Variants in PXDNL observed in about 807,000 individuals in gnomAD.
PXDNL encodes the protein peroxidasin like.
PXDNL carries 145 observed loss-of-function variants against 150.8 expected under a neutral mutation model. The ratio of observed to expected loss-of-function variants is 0.96; its 90% CI spans 0.84 to 1.10. The LOEUF (loss-of-function observed/expected upper bound fraction) is 1.10. PXDNL is among the 50% of genes least tolerant of loss of function. The pLI is 0.00. For missense variants in PXDNL, 2,087 were observed against 1,873.9 expected (o/e 1.11, Z -2.10); for synonymous variants, 757 against 725.7 (o/e 1.04, Z -0.69).
rs71550273 is a variant in PXDNL at position 51,601,797 on chromosome 8, G to GTT, written c.237-9101_237-9100dup. Reference sequence around the variant, plus strand: ...TGCTTTGTAGTAGTTTCTATTGTGGGTTTTTTTTTTAATGTAGGGTCTGTA... The same window carrying GTT: ...TGCTTTGTAGTAGTTTCTATTGTGGGTTTTTTTTTTTTAATGTAGGGTCTGTA... On this transcript the variant is annotated intron_variant, in intron 2 of 22. Transcript: ENST00000356297. Among the ~76,000 whole-genome samples, 1,272 of 146,668 alleles carry GTT rather than the reference G, an allele frequency of 8.7e-3. 11 individuals carry two copies. The highest frequency in any genetic ancestry group is 0.03 in the African/African-American group (1,204 of 40,220).
chr8:51,733,927 T>C (rs965047963), intron 1 of PXDNL, among the ~76,000 whole-genome samples: 2 of 150,512 alleles, frequency 1.3e-5, no homozygotes, highest in Non-Finnish European at 3.0e-5. Context: ...GAAGGTTTGC[T>C]TGAATTTTGA....
At chr8:51,431,595 C>T (rs1809249030) in intron 12 of PXDNL, among the ~76,000 whole-genome samples, 1 of 152,180 alleles carries the variant, frequency 6.6e-6, no homozygotes, top group South Asian at 2.1e-4. Flanking sequence ...CTTGTCTCCT[C>T]AGGGTTTTTG....
intron 18 of PXDNL, among the ~76,000 whole-genome samples, chr8:51,373,564 T>C (rs1807195305): frequency 6.6e-6 from 1 of 152,212 alleles, no homozygotes; most frequent in African/African-American, 2.4e-5. Flanking sequence ...TTTAAAAAAT[T>C]AATGAAATAT....
chr8:51,656,729 AACT>A (rs1280965142), intron 1 of PXDNL, among the ~76,000 whole-genome samples: 4 of 152,232 alleles, frequency 2.6e-5, no homozygotes, highest in Admixed American at 2.0e-4. Context: ...ATCCAGAATT[AACT>A]ACTATTAATA....
intron 15 of PXDNL, among the ~76,000 whole-genome samples, chr8:51,412,182 A>C (rs1279716238): frequency 6.6e-6 from 1 of 152,256 alleles, no homozygotes; most frequent in Non-Finnish European, 1.5e-5. Flanking sequence ...CAACTGAGGC[A>C]CATCTCATCC....
At chr8:51,550,871 A>G (rs545616472) in intron 4 of PXDNL, among the ~76,000 whole-genome samples, 1 of 152,202 alleles carries the variant, frequency 6.6e-6, no homozygotes, top group South Asian at 2.1e-4. Context: ...AAGAGGAGTC[A>G]AACTGTCGTT....
chr8:51,485,695 C>A (rs116843939), intron 5 of PXDNL, among the ~76,000 whole-genome samples: 1 of 152,190 alleles, frequency 6.6e-6, no homozygotes, highest in South Asian at 2.1e-4. Flanking sequence ...TTGCTCATGG[C>A]GTATTTGGAG....
chr8:51,399,817 T>G (rs1443709973), intron 17 of PXDNL, among the ~76,000 whole-genome samples: 1 of 152,232 alleles, frequency 6.6e-6, no homozygotes, highest in Non-Finnish European at 1.5e-5. Context: ...TGCATTCAGA[T>G]GTATACTCTG....
At chr8:51,421,813 T>C (rs114950145) in intron 14 of PXDNL, among the ~76,000 whole-genome samples, 34 of 152,374 alleles carry the variant, frequency 2.2e-4, no homozygotes, top group African/African-American at 8.2e-4. Flanking sequence ...AAGACATTTT[T>C]ACAATATGGA....
chr8:51,639,717 T>C (rs1346270426), intron 2 of PXDNL, among the ~76,000 whole-genome samples: 1 of 152,046 alleles, frequency 6.6e-6, no homozygotes, highest in Non-Finnish European at 1.5e-5. Context: ...ATCAATAGCT[T>C]ACCAACCAAA....
rs373409453 is a variant in PXDNL at position 51,408,166 on chromosome 8, T to C, written c.3458A>G (p.Tyr1153Cys). 3 of 1,613,916 alleles carry C rather than the reference T, an allele frequency of 1.9e-6. No homozygotes were observed. The highest frequency in any genetic ancestry group is 2.7e-5 in the African/African-American group (2 of 74,942). Residue 1153 changes from tyrosine to cysteine, a missense_variant, in exon 17 of 23, where the codon TAT becomes TGT. Tyr to Cys is a radical substitution (Grantham distance 194). Coordinates refer to ENST00000356297, the MANE Select transcript of PXDNL (RefSeq NM_144651.5). ...ATTACAGAAAACTCTGAAGTCAACA[T>C]ATGGTGGGATCCCGTGGTCTCTACC... ...QRGRDHGIPP[Y>C]VDFRVFCNLT...
intron 2 of PXDNL, among the ~76,000 whole-genome samples, chr8:51,620,680 A>G (rs1814232897): frequency 6.7e-6 from 1 of 150,162 alleles, no homozygotes; most frequent in Non-Finnish European, 1.5e-5. Context: ...AGTAGCTGGG[A>G]CTACAGGTGC....
At chr8:51,752,438 G>A (rs2037054468) in intron 1 of PXDNL, among the ~76,000 whole-genome samples, 1 of 152,084 alleles carries the variant, frequency 6.6e-6, no homozygotes, top group African/African-American at 2.4e-5. Context: ...TTACATTCCA[G>A]CCTTTGTATA....
intron 3 of PXDNL, among the ~76,000 whole-genome samples, chr8:51,565,313 AATAAATAAATAGATAGATAG>A (rs1411884886): frequency 0.013 from 1,620 of 123,488 alleles, 28 homozygotes; most frequent in African/African-American, 0.06. Flanking sequence ...TAAATAAATA[AATAAATAAATAGATAGATAG>A]ATAGATAGAT....
chr8:51,718,607 C>T (rs1382744141), intron 1 of PXDNL, among the ~76,000 whole-genome samples: 3 of 152,172 alleles, frequency 2.0e-5, no homozygotes, highest in African/African-American at 7.2e-5. Flanking sequence ...TTACTAGTCA[C>T]ATTTGCTTCA....
At chr8:51,628,337 ATTTCTTTC>A (rs58261998) in intron 2 of PXDNL, among the ~76,000 whole-genome samples, 8 of 111,406 alleles carry the variant, frequency 7.2e-5, no homozygotes, top group African/African-American at 1.4e-4. Flanking sequence ...CTTCTTCTTT[ATTTCTTTC>A]TTTCTTTCTT....
At chr8:51,738,523 C>T (rs1264576769) in intron 1 of PXDNL, among the ~76,000 whole-genome samples, 1 of 151,952 alleles carries the variant, frequency 6.6e-6, no homozygotes, top group African/African-American at 2.4e-5. Context: ...CTCCTCTTTA[C>T]AATTTTATAT....
intron 1 of PXDNL, among the ~76,000 whole-genome samples, chr8:51,664,831 C>T (rs1274095284): frequency 6.6e-6 from 1 of 152,140 alleles, no homozygotes; most frequent in Non-Finnish European, 1.5e-5. Context: ...ACACCCTGGC[C>T]TCCCCCAGCC....
chr8:51,479,367 G>T (rs1188614235), intron 6 of PXDNL, among the ~76,000 whole-genome samples: 5 of 152,092 alleles, frequency 3.3e-5, no homozygotes. Flanking sequence ...AAAAAGGAGA[G>T]AAAACAGACA....
Sources: allele counts gnomAD v4.1 joint callset (sites outside exome capture counted in the v4.1 genomes callset), GRCh38; gene constraint gnomAD v4.1.1; transcripts MANE v1.5; gene names NCBI Gene and HGNC (gene_info 2026-07-23, HGNC 2026-07-21).